The following IHH variants were observed in gnomAD, a reference collection of about 807,000 sequenced individuals.
IHH encodes Indian hedgehog signaling molecule.
A neutral mutation model predicts 29.4 loss-of-function variants in IHH; 9 were observed. The observed-to-expected ratio is 0.31, with a 90% CI of 0.18 to 0.53. The LOEUF is 0.53. Among genes scored for constraint, IHH ranks in the 20% least tolerant of loss-of-function variants. IHH has a pLI of 0.95. For missense variants in IHH, 454 were observed against 578.1 expected (o/e 0.79, Z 2.20); for synonymous variants, 254 against 252.7 (o/e 1.01, Z -0.05).
At position 219,054,941 on chromosome 2, in the gene IHH, C is replaced by T. The variant is rs1441700344; in HGVS notation, c.*266G>A. The stretch of plus-strand genomic sequence containing the variant: ...AGTGAGAGCAGGCTGAGTTGGGAGT[C>T]GCCGTGCCAGCCTCAAGGTCTCTAG... On this transcript the variant is annotated 3_prime_UTR_variant, in exon 3 of 3. Coordinates refer to ENST00000295731, the MANE Select transcript of IHH (RefSeq NM_002181.4). The T allele has an allele frequency of 7.7e-6, 4 of 517,444 alleles. No individual in the cohort carries two copies. The highest frequency in any genetic ancestry group is 2.4e-5 in the South Asian group (1 of 42,120). The allele number at this position is 517,444 out of a possible 1,614,324, so 32.1% of individuals were successfully genotyped here.
In IHH at chr2:219,055,840, G is replaced by A. The variant is rs756257071; in HGVS notation, c.603C>T (p.Gly201=). ...KSEHSAAAKT[G]GCFPAGAQVR... ...CCTGGGCTCCGGCAGGGAAGCAGCC[G>A]CCCGTCTTGGCTGCGGCCGAGTGCT... Residue 201 remains glycine, a synonymous_variant, in exon 3 of 3, where the codon GGC becomes GGT. Transcript: ENST00000295731. The A allele has an allele frequency of 1.2e-5, 19 of 1,610,032 alleles. No individual in the cohort carries two copies. Among genetic ancestry groups the A allele is most frequent in the East Asian group, 4.5e-5 (2 of 44,890 alleles).
At chr2:219,058,914 G>A (rs1948855310) in intron 1 of IHH, among the ~76,000 whole-genome samples, 1 of 152,144 alleles carries the variant, frequency 6.6e-6, no homozygotes, top group South Asian at 2.1e-4. Flanking sequence ...TGCACAGCCT[G>A]GCTGGGGGTG....
intron 2 of IHH, among the ~76,000 whole-genome samples, chr2:219,057,199 AC>A (rs374744462): frequency 1.1e-3 from 163 of 152,318 alleles, no homozygotes; most frequent in African/African-American, 3.7e-3. Context: ...CCAGGTCAGC[AC>A]CCAGCAGCCC....
At position 219,060,673 on chromosome 2, in the gene IHH, T is replaced by A; in HGVS notation, c.-206A>T. On this transcript the variant is annotated 5_prime_UTR_variant, in exon 1 of 3. Transcript: ENST00000295731. The surrounding 1 kb of genome is among the most constrained non-coding windows in gnomAD (Gnocchi z 8.8). Reference sequence around the variant, plus strand: ...AGGGCCCGAGCTGGTGGCGGCGCGCTGTCCCCCTCGGCGCCTCGACTCTGA... The same window carrying A: ...AGGGCCCGAGCTGGTGGCGGCGCGCAGTCCCCCTCGGCGCCTCGACTCTGA... Among the ~76,000 whole-genome samples, 1 of 150,464 alleles carries A rather than the reference T, an allele frequency of 6.6e-6. No homozygotes were observed. Among genetic ancestry groups the A allele is most frequent in the South Asian group, 2.1e-4 (1 of 4,796 alleles).
Position 219,057,708 on chromosome 2 carries a change from G to A in IHH, c.316-14C>T. 2.5e-6 allele frequency: 4 copies of A among 1,603,688 alleles called. No individual in the cohort carries two copies. The highest frequency in any genetic ancestry group is 3.4e-6 in the Non-Finnish European group (4 of 1,179,952). Reference sequence around the variant, plus strand: ...GTCCTTGCAGCGCTGGGAGAGGAATGTGCGCGAAATCAACCAGAGCGAAAT... The same window carrying A: ...GTCCTTGCAGCGCTGGGAGAGGAATATGCGCGAAATCAACCAGAGCGAAAT... On this transcript the variant is annotated splice_polypyrimidine_tract_variant and intron_variant, in intron 1 of 2. Coordinates refer to ENST00000295731, the MANE Select transcript of IHH (RefSeq NM_002181.4).
rs1948844070 is a variant in IHH at position 219,057,779 on chromosome 2, C to T, written c.316-85G>A. ...GGTGCAGGTGTAGGCGCAGCCTCGC[C>T]CAGAACTCTCCCGCCACACCCAAGG... On this transcript the variant is annotated intron_variant, in intron 1 of 2. Coordinates refer to ENST00000295731, the MANE Select transcript of IHH (RefSeq NM_002181.4). 2.0e-6 allele frequency: 3 copies of T among 1,496,804 alleles called. No individual in the cohort carries two copies. In the South Asian group the frequency reaches 3.7e-5, roughly 19 times the overall value. The allele number at this position is 1,496,804 out of a possible 1,614,324, so 92.7% of individuals were successfully genotyped here.
At position 219,057,324 on chromosome 2, in the gene IHH, C is replaced by A. The variant is rs377197769; in HGVS notation, c.577+109G>T. ...GAGCGCCGCTGATGTCCTCTTCCCCCGGATCCCTGCCTCCATCCCCGGGCG... is the reference window on the plus strand; with the variant it reads ...GAGCGCCGCTGATGTCCTCTTCCCCAGGATCCCTGCCTCCATCCCCGGGCG... On this transcript the variant is annotated intron_variant, in intron 2 of 2. Coordinates refer to ENST00000295731, the MANE Select transcript of IHH (RefSeq NM_002181.4). 3.1e-6 allele frequency: 4 copies of A among 1,290,704 alleles called. No individual in the cohort carries two copies. In the Admixed American group the frequency reaches 6.1e-5, roughly 20 times the overall value. 80.0% of individuals were successfully genotyped at this position (1,290,704 alleles called of 1,614,324 possible).
In IHH at chr2:219,055,793, C is replaced by T. The variant is rs145192358; in HGVS notation, c.650G>A (p.Arg217His). The T allele has an allele frequency of 3.5e-5, 57 of 1,613,182 alleles. No individual in the cohort carries two copies. In the African/African-American group the frequency reaches 3.6e-4, roughly 10 times the overall value. ...GAQVRLESGA[R>H]VALSAVRPGD... ...CGGCCTCACGGCTGACAAGGCCACA[C>T]GCGCCCCACTCTCCAGGCGTACCTG... The change falls in exon 3 of 3, where the codon CGT becomes CAT. Residue 217 changes from arginine (R) to histidine (H), a missense_variant. Physicochemically the swap from Arg to His is conservative, Grantham distance 29 (BLOSUM62 0). Coordinates refer to ENST00000295731, the MANE Select transcript of IHH (RefSeq NM_002181.4).
chr2:219,056,591 T>G (rs1948834528), intron 2 of IHH, among the ~76,000 whole-genome samples: 1 of 152,092 alleles, frequency 6.6e-6, no homozygotes, highest in East Asian at 1.9e-4. Flanking sequence ...AGTGGAAGGT[T>G]CAGGGTGTGG....
Position 219,060,059 on chromosome 2 carries a change from C to G in IHH, c.315+94G>C. 1 of 1,134,360 alleles carries G rather than the reference C, an allele frequency of 8.8e-7. No homozygotes were observed. The highest frequency in any genetic ancestry group is 1.5e-5 in the African/African-American group (1 of 65,042). The allele number at this position is 1,134,360 out of a possible 1,614,324, so 70.3% of individuals were successfully genotyped here. ...AGAGGGGCAGGTGCCAGGGAGCGTG[C>G]CAGCCAGTCGAGAAAATGTGCCAGG... On this transcript the variant is annotated intron_variant, in intron 1 of 2. Transcript: ENST00000295731. This position sits in a 1 kb window ranked among gnomAD's most constrained non-coding sequence, Gnocchi z 8.8.
In IHH at chr2:219,054,709, G is replaced by C. The variant is rs534805057; in HGVS notation, c.*498C>G. 5.9e-6 allele frequency: 1 copy of C among 170,264 alleles called. No individual in the cohort carries two copies. Among genetic ancestry groups the C allele is most frequent in the African/African-American group, 2.4e-5 (1 of 41,796 alleles). The allele number at this position is 170,264 out of a possible 1,614,324, so 10.5% of individuals were successfully genotyped here. On this transcript the variant is annotated 3_prime_UTR_variant, in exon 3 of 3. Transcript: ENST00000295731. ...TGGATGTGTCTTGAGGAGTGTGGCCGGGGAGGAATGTCATACCTCAGAATG... is the reference window on the plus strand; with the variant it reads ...TGGATGTGTCTTGAGGAGTGTGGCCCGGGAGGAATGTCATACCTCAGAATG...
intron 2 of IHH, among the ~76,000 whole-genome samples, chr2:219,056,365 G>T (rs1948831056): frequency 6.6e-6 from 1 of 152,162 alleles, no homozygotes; most frequent in Non-Finnish European, 1.5e-5. Flanking sequence ...GTGAATGTTT[G>T]GGTCAGGGGC....
intron 2 of IHH, among the ~76,000 whole-genome samples, chr2:219,056,129 A>C (rs1172379244): frequency 2.6e-5 from 4 of 151,938 alleles, no homozygotes; most frequent in Non-Finnish European, 4.4e-5. Context: ...GGGCTCCAAG[A>C]CCCAGTGGAT....
chr2:219,056,684 G>A (rs1948835642), intron 2 of IHH, among the ~76,000 whole-genome samples: 2 of 152,258 alleles, frequency 1.3e-5, no homozygotes, highest in South Asian at 4.2e-4. Flanking sequence ...ACTATTACAC[G>A]CTGCCAGTGT....
chr2:219,055,872 G>A lies in IHH; in HGVS notation c.578-7C>T, dbSNP rs1345232234. 1.0e-5 allele frequency: 16 copies of A among 1,602,752 alleles called. No individual in the cohort carries two copies. Among genetic ancestry groups the A allele is most frequent in the Non-Finnish European group, 1.4e-5 (16 of 1,179,308 alleles). Reference sequence around the variant, plus strand: ...TTGGCTGCGGCCGAGTGCTCTGTGGGAGAAAGGGACATGAAGGTGTTACTG... The same window carrying A: ...TTGGCTGCGGCCGAGTGCTCTGTGGAAGAAAGGGACATGAAGGTGTTACTG... On this transcript the variant is annotated splice_polypyrimidine_tract_variant and splice_region_variant and intron_variant, in intron 2 of 2. Coordinates refer to ENST00000295731, the MANE Select transcript of IHH (RefSeq NM_002181.4).
At chr2:219,057,769 G>A in intron 1 of IHH, 75 bp from the exon 2 acceptor site, 2 of 1,544,646 alleles carry the variant, frequency 1.3e-6, no homozygotes, top group Non-Finnish European at 1.7e-6. Context: ...AGGTGTAGGC[G>A]CAGCCTCGCC....
rs763496709 is a variant in IHH at position 219,055,362 on chromosome 2, A to G, written c.1081T>C (p.Phe361Leu). Residue 361 changes from phenylalanine (F) to leucine (L), a missense_variant, in exon 3 of 3, where the codon TTC (phenylalanine) becomes CTC (leucine). By Grantham distance (22) the Phe-to-Leu change is conservative (BLOSUM62 0). Coordinates refer to ENST00000295731, the MANE Select transcript of IHH (RefSeq NM_002181.4). Reference sequence around the variant, plus strand: ...CTGTGAAAGAGTCTCAGGGGCCAGAAGGCCAACTGAGCCAGGTGGTGGTCA... The same window carrying G: ...CTGTGAAAGAGTCTCAGGGGCCAGAGGGCCAACTGAGCCAGGTGGTGGTCA... ...VADHHLAQLA[F>L]WPLRLFHSLA... The G allele has an allele frequency of 1.4e-5, 23 of 1,613,272 alleles. No individual in the cohort carries two copies. The highest frequency in any genetic ancestry group is 1.8e-5 in the Non-Finnish European group (21 of 1,180,030).
At position 219,055,317 on chromosome 2, in the gene IHH, T is replaced by C. The variant is rs758424526; in HGVS notation, c.1126A>G (p.Thr376Ala). 2.3e-5 allele frequency: 37 copies of C among 1,612,842 alleles called. No individual in the cohort carries two copies. Among genetic ancestry groups the C allele is most frequent in the Non-Finnish European group, 2.5e-6 (3 of 1,179,916 alleles). Residue 376 changes from threonine to alanine, a missense_variant, in exon 3 of 3, where the codon ACT becomes GCT. Transcript: ENST00000295731. Reference protein sequence around the residue: ...LFHSLAWGSWTPGEGVHWYPQ... With the variant: ...LFHSLAWGSWAPGEGVHWYPQ... ...TACCAATGCACACCCTCCCCCGGAG[T>C]CCAGCTGCCCCATGCCAAGCTGTGA...
At chr2:219,056,919 C>A (rs1057307968) in intron 2 of IHH, among the ~76,000 whole-genome samples, 19 of 152,334 alleles carry the variant, frequency 1.2e-4, no homozygotes, top group Middle Eastern at 3.4e-3. Context: ...TGGCTTTGCC[C>A]CAAAATGTCC....
Sources: allele counts gnomAD v4.1 joint callset (sites outside exome capture counted in the v4.1 genomes callset), GRCh38; gene constraint gnomAD v4.1.1; non-coding constraint Gnocchi (gnomAD v3.1); transcripts MANE v1.5; gene names NCBI Gene and HGNC (gene_info 2026-07-23, HGNC 2026-07-21).